ROBO1: variants seen among roughly 807,000 people sequenced by gnomAD.
ROBO1 encodes the protein roundabout homolog 1.
ROBO1 carries 149 observed loss-of-function variants against 195.9 expected under a neutral mutation model. That is an observed-to-expected ratio of 0.76 (90% CI 0.67 to 0.87). ROBO1 has a LOEUF of 0.87. ROBO1 is among the 40% of genes least tolerant of loss of function. ROBO1 has a pLI of 0.00. For missense variants in ROBO1, 1,933 were observed against 2,068.3 expected (o/e 0.93, Z 1.27); for synonymous variants, 816 against 733.2 (o/e 1.11, Z -1.82).
At chr3:79,711,086 C>T (rs985993757) in intron 1 of ROBO1, among the ~76,000 whole-genome samples, 8 of 152,142 alleles carry the variant, frequency 5.3e-5, no homozygotes, top group East Asian at 1.9e-4. Flanking sequence ...AAAACCATAA[C>T]GAATAGGATT....
chr3:79,373,088 C>T (rs547895656), intron 2 of ROBO1, among the ~76,000 whole-genome samples: 1 of 152,160 alleles, frequency 6.6e-6, no homozygotes, highest in South Asian at 2.1e-4. Flanking sequence ...TATTTTGTTA[C>T]AGCAGCTAGA....
chr3:79,343,593 G>C (rs1400833331), intron 2 of ROBO1, among the ~76,000 whole-genome samples: 1 of 152,160 alleles, frequency 6.6e-6, no homozygotes, highest in African/African-American at 2.4e-5. Flanking sequence ...TTAGTGAGAA[G>C]TCTGCAGTAA....
intron 2 of ROBO1, among the ~76,000 whole-genome samples, chr3:79,381,355 C>CAAAAAAAAAAA (rs61680946): frequency 4.9e-5 from 3 of 60,704 alleles, no homozygotes; most frequent in African/African-American, 1.4e-4. Context: ...AACTCCGTCT[C>CAAAAAAAAAAA]AAAAAAAAAA....
At chr3:78,731,232 A>C (rs1436531036) in intron 5 of ROBO1, among the ~76,000 whole-genome samples, 1 of 152,128 alleles carries the variant, frequency 6.6e-6, no homozygotes, top group Non-Finnish European at 1.5e-5. Context: ...AAACGGTATT[A>C]ATTGTAATAA....
At chr3:78,687,005 A>G (rs1471781196) in intron 9 of ROBO1, among the ~76,000 whole-genome samples, 4 of 152,244 alleles carry the variant, frequency 2.6e-5, no homozygotes, top group Admixed American at 2.6e-4. Context: ...ATTCTTTTAC[A>G]AAGCTTTGGT....
chr3:79,479,134 AATG>A (rs1216552904), intron 2 of ROBO1, among the ~76,000 whole-genome samples: 1 of 152,198 alleles, frequency 6.6e-6, no homozygotes, highest in Non-Finnish European at 1.5e-5. Context: ...TCAAGAAATA[AATG>A]ATAATGGAAT....
intron 2 of ROBO1, among the ~76,000 whole-genome samples, chr3:79,530,659 C>T (rs914210378): frequency 3.3e-5 from 5 of 151,926 alleles, no homozygotes; most frequent in Admixed American, 1.3e-4. Context: ...CAGTGGCTAT[C>T]GCTTCCTAGC....
rs530779539 is a variant in ROBO1 at position 78,606,847 on chromosome 3, G to A, written c.4630C>T (p.Arg1544Ter). The change falls in exon 29 of 31, where the codon CGA becomes TGA. Residue 1544 changes from arginine to a stop codon, truncating the protein, a stop_gained. Coordinates refer to ENST00000464233, the MANE Select transcript of ROBO1 (RefSeq NM_002941.4). LOFTEE classifies it high-confidence loss of function. ...TCTCTGGGATCACCTGGATTTGTTC[G>A]CATGTCAACAACCTGTCTTCCATCC... ...VLDGRQVVDM[R>*]TNPGDPREAQ... 2.5e-6 allele frequency: 4 copies of A among 1,613,624 alleles called. No individual in the cohort carries two copies. The highest frequency in any genetic ancestry group is 3.4e-6 in the Non-Finnish European group (4 of 1,179,826).
chr3:79,645,497 G>A (rs1945793152), intron 1 of ROBO1, among the ~76,000 whole-genome samples: 1 of 151,950 alleles, frequency 6.6e-6, no homozygotes, highest in Non-Finnish European at 1.5e-5. Flanking sequence ...TTGAAACTCT[G>A]TCTCTAAAAT....
At chr3:78,790,565 T>C (rs777713962) in intron 4 of ROBO1, among the ~76,000 whole-genome samples, 20 of 152,224 alleles carry the variant, frequency 1.3e-4, no homozygotes, top group Non-Finnish European at 2.6e-4. Context: ...GTCTTACTCA[T>C]GCTTACTAAC....
intron 2 of ROBO1, among the ~76,000 whole-genome samples, chr3:79,311,462 G>T (rs1381259497): frequency 6.6e-6 from 1 of 151,992 alleles, no homozygotes; most frequent in Non-Finnish European, 1.5e-5. Flanking sequence ...AGTGTGTTTG[G>T]TTATTTCCAC....
Position 79,118,017 on chromosome 3 carries a change from A to G in ROBO1, c.172+7439T>C, listed in dbSNP as rs577871392. Among the ~76,000 whole-genome samples, 243 of 152,296 alleles carry G rather than the reference A, an allele frequency of 1.6e-3. 2 individuals carry two copies. The highest frequency in any genetic ancestry group is 5.3e-3 in the African/African-American group (221 of 41,576). ...AGACAATAATTGCCATAGGGCCACA[A>G]CAGTAATATAAAGAAGTGCAGAGAT... On this transcript the variant is annotated intron_variant, in intron 3 of 30. Coordinates refer to ENST00000464233, the MANE Select transcript of ROBO1 (RefSeq NM_002941.4).
intron 3 of ROBO1, among the ~76,000 whole-genome samples, chr3:79,050,447 T>G (rs1185754537): frequency 6.6e-6 from 1 of 152,054 alleles, no homozygotes; most frequent in Non-Finnish European, 1.5e-5. Context: ...ACAATAATAG[T>G]GGGAGACTTT....
chr3:79,759,435 A>G (rs1213986627), intron 1 of ROBO1, among the ~76,000 whole-genome samples: 4 of 152,190 alleles, frequency 2.6e-5, no homozygotes, highest in African/African-American at 7.2e-5. Flanking sequence ...ACAGTGAGTC[A>G]TGCTTCTTCC....
At chr3:79,427,975 G>C (rs1254667470) in intron 2 of ROBO1, among the ~76,000 whole-genome samples, 1 of 151,894 alleles carries the variant, frequency 6.6e-6, no homozygotes, top group Admixed American at 6.6e-5. Context: ...CTGCACAGCA[G>C]AGGAAACAAG....
intron 4 of ROBO1, among the ~76,000 whole-genome samples, chr3:78,799,739 C>G (rs893887329): frequency 3.3e-5 from 5 of 152,080 alleles, no homozygotes; most frequent in Admixed American, 2.6e-4. Context: ...CCACCTACTG[C>G]GTCTATGATT....
intron 3 of ROBO1, among the ~76,000 whole-genome samples, chr3:79,046,196 G>A (rs370125583): frequency 3.3e-5 from 5 of 152,114 alleles, no homozygotes; most frequent in African/African-American, 9.7e-5. Flanking sequence ...GAAACCAGCC[G>A]CCATGTTGGG....
intron 1 of ROBO1, among the ~76,000 whole-genome samples, chr3:79,631,163 G>T (rs1256042249): frequency 7.4e-6 from 1 of 134,770 alleles, no homozygotes; most frequent in Non-Finnish European, 1.6e-5. Flanking sequence ...AATTCATATG[G>T]AACAAAAAAG....
chr3:78,938,796 A>C lies in ROBO1; in HGVS notation c.304T>G (p.Tyr102Asp). 1 of 1,613,866 alleles carries C rather than the reference A, an allele frequency of 6.2e-7. No individual in the cohort carries two copies. Among genetic ancestry groups the C allele is most frequent in the Non-Finnish European group, 8.5e-7 (1 of 1,179,866 alleles). ...GTCTCCACTCTCTCTCCCCCTTTGT[A>C]CCATTCAATAGTGGGTGTGGGGCGG... ...EGRPTPTIEW[Y>D]KGGERVETDK... Residue 102 changes from tyrosine (Y) to aspartate (D), a missense_variant, in exon 4 of 31, where the codon TAC (tyrosine) becomes GAC (aspartate). Physicochemically the swap from Tyr to Asp is radical, Grantham distance 160 (BLOSUM62 -3). Coordinates refer to ENST00000464233, the MANE Select transcript of ROBO1 (RefSeq NM_002941.4).
Sources: allele counts gnomAD v4.1 joint callset (sites outside exome capture counted in the v4.1 genomes callset), GRCh38; gene constraint gnomAD v4.1.1; transcripts MANE v1.5; gene names NCBI Gene and HGNC (gene_info 2026-07-23, HGNC 2026-07-21).